The following PTH2R variants were observed in gnomAD, a reference collection of about 807,000 sequenced individuals.
PTH2R encodes parathyroid hormone 2 receptor.
PTH2R carries 59 observed loss-of-function variants against 60.3 expected under a neutral mutation model. That is an observed-to-expected ratio of 0.98 (90% CI 0.79 to 1.22). The LOEUF is 1.22. Among genes scored for constraint, PTH2R ranks in the 50% most tolerant of loss-of-function variants. The pLI is 0.00. For synonymous variants in PTH2R, 256 were observed against 243.8 expected (o/e 1.05, Z -0.47); for missense variants, 749 against 682.6 (o/e 1.10, Z -1.08).
At chr2:208,370,429 C>A (rs148770489) in intron 1 of PTH2R, among the ~76,000 whole-genome samples, 1 of 96,446 alleles carries the variant, frequency 1.0e-5, no homozygotes, top group Non-Finnish European at 1.9e-5. Context: ...GGCGACAGAA[C>A]GAGACTCCGT....
chr2:208,378,067 C>T (rs550017543), intron 1 of PTH2R, among the ~76,000 whole-genome samples: 2 of 152,154 alleles, frequency 1.3e-5, no homozygotes, highest in South Asian at 2.1e-4. Context: ...CGCCACTGCA[C>T]TCCAGCCTGG....
intron 1 of PTH2R, among the ~76,000 whole-genome samples, chr2:208,415,181 T>C (rs1701615282): frequency 6.6e-6 from 1 of 152,204 alleles, no homozygotes; most frequent in Non-Finnish European, 1.5e-5. Flanking sequence ...AATCTAAGAT[T>C]TTAATAAGGG....
intron 7 of PTH2R, among the ~76,000 whole-genome samples, chr2:208,450,133 G>T (rs1702374210): frequency 6.6e-6 from 1 of 152,176 alleles, no homozygotes; most frequent in Admixed American, 6.5e-5. Context: ...CCCAGAAGGT[G>T]TTTAGCACTT....
intron 7 of PTH2R, among the ~76,000 whole-genome samples, chr2:208,450,060 C>T (rs1420387308): frequency 2.6e-5 from 4 of 152,082 alleles, no homozygotes; most frequent in Admixed American, 2.6e-4. Context: ...ACAACATGAG[C>T]TGGACAGTGA....
At chr2:208,424,195 A>G (rs1386499950) in intron 1 of PTH2R, among the ~76,000 whole-genome samples, 1 of 152,184 alleles carries the variant, frequency 6.6e-6, no homozygotes, top group African/African-American at 2.4e-5. Flanking sequence ...TTGTGAAGAA[A>G]AGGTGGGGGT....
At chr2:208,491,347 C>A (rs1486154069) in intron 12 of PTH2R, among the ~76,000 whole-genome samples, 1 of 152,148 alleles carries the variant, frequency 6.6e-6, no homozygotes, top group Non-Finnish European at 1.5e-5. Flanking sequence ...AATTTCCTGA[C>A]TTACTTGTGT....
chr2:208,453,579 CT>C (rs1702451126), intron 8 of PTH2R, among the ~76,000 whole-genome samples: 1 of 152,180 alleles, frequency 6.6e-6, no homozygotes, highest in South Asian at 2.1e-4. Flanking sequence ...CAGTAGATAA[CT>C]CTTCAGTGCA....
upstream of PTH2R, among the ~76,000 whole-genome samples, chr2:208,406,506 G>A (rs1173976187): frequency 6.6e-6 from 1 of 152,162 alleles, no homozygotes; most frequent in South Asian, 2.1e-4. Context: ...GATGGTCAGC[G>A]CACGCAGGAC....
chr2:208,417,725 G>A (rs1701670091), intron 1 of PTH2R, among the ~76,000 whole-genome samples: 1 of 151,728 alleles, frequency 6.6e-6, no homozygotes, highest in African/African-American at 2.4e-5. Context: ...ACAAACGTGG[G>A]AATCTATGGT....
At chr2:208,463,351 T>TA (rs2105890275) in intron 9 of PTH2R, among the ~76,000 whole-genome samples, 1 of 152,196 alleles carries the variant, frequency 6.6e-6, no homozygotes, top group East Asian at 1.9e-4. Context: ...GGTCCCAGCT[T>TA]ACGGACAACC....
At chr2:208,372,190 G>A (rs577624396) in intron 1 of PTH2R, among the ~76,000 whole-genome samples, 11 of 152,158 alleles carry the variant, frequency 7.2e-5, no homozygotes, top group African/African-American at 2.4e-4. Context: ...CAAGGTGCTG[G>A]GATTACAGGC....
chr2:208,419,848 C>T (rs892893085), intron 1 of PTH2R, among the ~76,000 whole-genome samples: 69 of 152,168 alleles, frequency 4.5e-4, no homozygotes, highest in Admixed American at 2.3e-3. Flanking sequence ...ATGTTTATTG[C>T]GGCACTATTC....
intron 1 of PTH2R, among the ~76,000 whole-genome samples, chr2:208,365,970 T>A (rs1236139247): frequency 5.1e-4 from 38 of 73,898 alleles, no homozygotes; most frequent in South Asian, 1.0e-3. Flanking sequence ...ATTTTTTTTT[T>A]TTTTTTTTTT....
intron 9 of PTH2R, among the ~76,000 whole-genome samples, chr2:208,471,342 G>T (rs1702875026): frequency 6.6e-6 from 1 of 152,224 alleles, no homozygotes; most frequent in South Asian, 2.1e-4. Context: ...CAGGCCTGGA[G>T]GTTTAGGAGG....
At position 208,407,077 on chromosome 2, in the gene PTH2R, G is replaced by A; in HGVS notation, c.34G>A (p.Gly12Ser). ...GCTGGGGGCGTCGCTCCACGTCTGG[G>A]GTTGGCTAATGCTCGGCAGCTGCCT... ...AGLGASLHVWGWLMLGSCLLA... is the reference protein window; with the variant it reads ...AGLGASLHVWSWLMLGSCLLA... The change falls in exon 1 of 13, where the codon GGT becomes AGT. Residue 12 changes from glycine (G) to serine (S), a missense_variant. Physicochemically the swap from Gly to Ser is moderately conservative, Grantham distance 56. Coordinates refer to ENST00000272847, the MANE Select transcript of PTH2R (RefSeq NM_005048.4). 1.4e-6 allele frequency: 2 copies of A among 1,397,478 alleles called. No individual in the cohort carries two copies. The highest frequency in any genetic ancestry group is 1.9e-6 in the Non-Finnish European group (2 of 1,068,936). The allele number at this position is 1,397,478 out of a possible 1,614,324, so 86.6% of individuals were successfully genotyped here.
chr2:208,377,503 C>T lies in PTH2R; in HGVS notation c.-259+17266C>T, dbSNP rs1231309015. 7.8e-4 allele frequency among the ~76,000 whole-genome samples: 116 copies of T among 149,382 alleles called. 1 individual carries two copies. The highest frequency in any genetic ancestry group is 2.8e-3 in the African/African-American group (113 of 40,476). Reference sequence around the variant, plus strand: ...GGGGCGGCGGCTGGGTGGAGGCGGGCCCCCACCTCCCTCCCAGACGGGGCG... The same window carrying T: ...GGGGCGGCGGCTGGGTGGAGGCGGGTCCCCACCTCCCTCCCAGACGGGGCG... On this transcript the variant is annotated intron_variant, in intron 1 of 12. Transcript: ENST00000617735.
intron 1 of PTH2R, among the ~76,000 whole-genome samples, chr2:208,386,177 A>G (rs182321252): frequency 5.3e-5 from 8 of 152,324 alleles, no homozygotes; most frequent in Non-Finnish European, 1.2e-4. Context: ...TGTGCTCATC[A>G]TCATACTCAT....
At chr2:208,401,649 C>T (rs572715238) in intron 1 of PTH2R, among the ~76,000 whole-genome samples, 3 of 152,172 alleles carry the variant, frequency 2.0e-5, no homozygotes, top group Non-Finnish European at 2.9e-5. Context: ...CTGTTCTGCC[C>T]GTCTCCTGCT....
At chr2:208,419,922 T>A (rs552631913) in intron 1 of PTH2R, among the ~76,000 whole-genome samples, 44 of 152,204 alleles carry the variant, frequency 2.9e-4, no homozygotes, top group Admixed American at 1.4e-3. Flanking sequence ...TAAGAAAATG[T>A]GGCACATATA....
Sources: allele counts gnomAD v4.1 joint callset (sites outside exome capture counted in the v4.1 genomes callset), GRCh38; gene constraint gnomAD v4.1.1; transcripts MANE v1.5; gene names NCBI Gene and HGNC (gene_info 2026-07-23, HGNC 2026-07-21).